The following ALPK3 variants were observed in gnomAD, a reference collection of about 807,000 sequenced individuals.
The protein encoded by ALPK3 is alpha kinase 3.
In ALPK3, 102 loss-of-function variants were observed where a neutral mutation model predicts 140.0. The observed-to-expected ratio is 0.73, with a 90% confidence interval of 0.62 to 0.86. ALPK3 has a LOEUF of 0.86. ALPK3 is among the 40% of genes least tolerant of loss of function. ALPK3 has a pLI of 0.00. For missense variants in ALPK3, 2,254 were observed against 2,208.2 expected, an observed-to-expected ratio of 1.02 and a Z score of -0.42; for synonymous variants, 938 against 898.5, an observed-to-expected ratio of 1.04 and a Z score of -0.79.
In ALPK3 at chr15:84,856,502, G is replaced by A; in HGVS notation, c.1764G>A (p.Met588Ile). ...GAAGTCAAGGTATCATTGAACCCAT[G>A]GATATGGAAACCCAGGAGGATGGGA... Reference protein sequence around the residue: ...TSGSQGIIEPMDMETQEDGRT... With the variant: ...TSGSQGIIEPIDMETQEDGRT... Residue 588 changes from methionine (M) to isoleucine (I), a missense_variant, in exon 6 of 14, where the codon ATG (methionine) becomes ATA (isoleucine). Met to Ile is a conservative substitution (Grantham distance 10). This residue lies in a region of ALPK3 where 2,088 missense variants were observed against 2,022.9 expected (regional missense o/e 1.03). Coordinates refer to ENST00000258888, the MANE Select transcript of ALPK3 (RefSeq NM_020778.5). The A allele has an allele frequency of 1.2e-6, 2 of 1,614,172 alleles. No individual in the cohort carries two copies. The highest frequency in any genetic ancestry group is 1.7e-6 in the Non-Finnish European group (2 of 1,180,044).
intron 5 of ALPK3, among the ~76,000 whole-genome samples, chr15:84,851,223 G>C (rs1963799842): frequency 6.6e-6 from 1 of 152,170 alleles, no homozygotes; most frequent in Non-Finnish European, 1.5e-5. Context: ...ATGAGAAGGA[G>C]TCCTTCAGGT....
Position 84,873,137 on chromosome 15 carries a change from C to T in ALPK3, c.*4681C>T, listed in dbSNP as rs1964094304. 6.6e-6 allele frequency: 1 copy of T among 152,170 alleles called. No individual in the cohort carries two copies. Among genetic ancestry groups the T allele is most frequent in the South Asian group, 2.1e-4 (1 of 4,826 alleles). The allele number at this position is 152,170 out of a possible 1,614,324, so 9.4% of individuals were successfully genotyped here. A position where few individuals can be genotyped will look rare whatever the true frequency, so the allele number is the denominator to read the frequency against. ...ACAGCAGCTCTTTCAAGCAGCCTCC[C>T]AGGCCTAGAGAGGAAAATCAGCAGA... On this transcript the variant is annotated 3_prime_UTR_variant, in exon 14 of 14. Coordinates refer to ENST00000258888, the MANE Select transcript of ALPK3 (RefSeq NM_020778.5).
intron 4 of ALPK3, among the ~76,000 whole-genome samples, chr15:84,839,484 A>C (rs1963631301): frequency 1.3e-5 from 2 of 152,322 alleles, no homozygotes; most frequent in Admixed American, 1.3e-4. Flanking sequence ...CTGGGACAGT[A>C]TGGCCTTGGT....
rs548996180 is a variant in ALPK3 at position 84,820,948 on chromosome 15, AC to A, written c.144-2380del. Among the ~76,000 whole-genome samples the A allele has an allele frequency of 1.7e-4, 25 of 150,322 alleles. No homozygotes were observed. In the South Asian group the frequency reaches 4.4e-3, roughly 27 times the overall value. ...CCTAACTTCACTCCTTTATGAGGAG[AC>A]CTTTCCTTTCTGGGCCCTGAATTCC... On this transcript the variant is annotated intron_variant, in intron 1 of 13. Transcript: ENST00000258888.
At position 84,864,177 on chromosome 15, in the gene ALPK3, C is replaced by T. The variant is rs1017506701; in HGVS notation, c.4500-265C>T. Among the ~76,000 whole-genome samples, 8 of 152,200 alleles carry T rather than the reference C, an allele frequency of 5.3e-5. No homozygotes were observed. The East Asian group carries it at 1.5e-3, about 29-fold the overall frequency. On this transcript the variant is annotated intron_variant, in intron 11 of 13. Transcript: ENST00000258888. ...TACATGCCTCAATCCCTCACCCAAGCCACACAGTCTGCCTATGCCCATAGC... is the reference window on the plus strand; with the variant it reads ...TACATGCCTCAATCCCTCACCCAAGTCACACAGTCTGCCTATGCCCATAGC...
At chr15:84,846,674 C>A (rs963259090) in intron 5 of ALPK3, among the ~76,000 whole-genome samples, 1 of 152,032 alleles carries the variant, frequency 6.6e-6, no homozygotes, top group African/African-American at 2.4e-5. Context: ...CAAAGGGAGA[C>A]CCTGTCTCAA....
chr15:84,831,501 A>T (rs1229778072), intron 3 of ALPK3, among the ~76,000 whole-genome samples: 1 of 152,094 alleles, frequency 6.6e-6, no homozygotes, highest in Non-Finnish European at 1.5e-5. Flanking sequence ...TTAATTTCCA[A>T]GGGTTTTAAT....
At chr15:84,820,890 T>C (rs1178808802) in intron 1 of ALPK3, among the ~76,000 whole-genome samples, 1 of 152,176 alleles carries the variant, frequency 6.6e-6, no homozygotes, top group Non-Finnish European at 1.5e-5. Context: ...CCACAAAGTG[T>C]TGGGATTATA....
At position 84,840,100 on chromosome 15, in the gene ALPK3, T is replaced by A. The variant is rs770625063; in HGVS notation, c.821T>A (p.Val274Glu). ...ATCAACAGTTTTGCTTCTGGAGAAG[T>A]GACCACCAACGGGGAGGCTGCCCCC... ...GLINSFASGE[V>E]TTNGEAAPEN... The change falls in exon 5 of 14, where the codon GTG becomes GAG. Residue 274 changes from valine to glutamate, a missense_variant. Physicochemically the swap from Val to Glu is moderately radical, Grantham distance 121. This residue lies in a region of ALPK3 where 2,088 missense variants were observed against 2,022.9 expected (regional missense o/e 1.03). Coordinates refer to ENST00000258888, the MANE Select transcript of ALPK3 (RefSeq NM_020778.5). 1.2e-6 allele frequency: 2 copies of A among 1,613,944 alleles called. No homozygotes were observed. The highest frequency in any genetic ancestry group is 1.7e-6 in the Non-Finnish European group (2 of 1,179,986).
chr15:84,839,020 G>C lies in ALPK3; in HGVS notation c.345G>C (p.Thr115=), dbSNP rs760982683. ...AGGTGACCTGGTACAAGGATGATAC[G>C]GAGCTGGACCGCTACTGTGGCTTGC... is the stretch of plus-strand genomic sequence containing the variant. ...EPEVTWYKDD[T]ELDRYCGLPK... The change falls in exon 4 of 14, where the codon ACG becomes ACC. Residue 115 remains threonine, a synonymous_variant. Coordinates refer to ENST00000258888, the MANE Select transcript of ALPK3 (RefSeq NM_020778.5). 6.2e-7 allele frequency: 1 copy of C among 1,614,076 alleles called. No homozygotes were observed. The highest frequency in any genetic ancestry group is 2.2e-5 in the East Asian group (1 of 44,870).
At position 84,869,586 on chromosome 15, in the gene ALPK3, C is replaced by T. The variant is rs1964045394; in HGVS notation, c.*1130C>T. On this transcript the variant is annotated 3_prime_UTR_variant, in exon 14 of 14. Transcript: ENST00000258888. Reference sequence around the variant, plus strand: ...ATTAGGACCCCTGCTCCAACCATCGCTCTTGATCCTGGGGCCCCAGCTCTG... The same window carrying T: ...ATTAGGACCCCTGCTCCAACCATCGTTCTTGATCCTGGGGCCCCAGCTCTG... The T allele has an allele frequency of 6.6e-6, 1 of 152,392 alleles. No individual in the cohort carries two copies. Among genetic ancestry groups the T allele is most frequent in the African/African-American group, 2.4e-5 (1 of 41,452 alleles). The allele number at this position is 152,392 out of a possible 1,614,324, so 9.4% of individuals were successfully genotyped here.
At chr15:84,859,959 C>T (rs1197497481) in intron 8 of ALPK3, 56 bp downstream of exon 8, 1 of 1,613,872 alleles carries the variant, frequency 6.2e-7, no homozygotes, top group African/African-American at 1.3e-5. Context: ...GGTGGGTGGG[C>T]AGCAGTCATC....
chr15:84,840,091 C>A lies in ALPK3; in HGVS notation c.812C>A (p.Ser271Tyr). ...TTGGGCCTGATCAACAGTTTTGCTT[C>A]TGGAGAAGTGACCACCAACGGGGAG... is the stretch of plus-strand genomic sequence containing the variant. Reference protein sequence around the residue: ...SGLGLINSFASGEVTTNGEAA... With the variant: ...SGLGLINSFAYGEVTTNGEAA... Residue 271 changes from serine (S) to tyrosine (Y), a missense_variant, in exon 5 of 14, where the codon TCT becomes TAT. Ser to Tyr is a moderately radical substitution (Grantham distance 144). Coordinates refer to ENST00000258888, the MANE Select transcript of ALPK3 (RefSeq NM_020778.5). The A allele has an allele frequency of 2.5e-6, 4 of 1,614,084 alleles. No homozygotes were observed. The highest frequency in any genetic ancestry group is 3.4e-6 in the Non-Finnish European group (4 of 1,180,006).
At chr15:84,833,382 G>T (rs1007239961) in intron 3 of ALPK3, among the ~76,000 whole-genome samples, 1 of 152,202 alleles carries the variant, frequency 6.6e-6, no homozygotes, top group Non-Finnish European at 1.5e-5. Context: ...AATTAGCAAG[G>T]AGAAAATGCA....
chr15:84,841,730 C>T (rs1197735971), intron 5 of ALPK3, among the ~76,000 whole-genome samples: 2 of 151,686 alleles, frequency 1.3e-5, no homozygotes, highest in African/African-American at 4.9e-5. Flanking sequence ...TGGGTGGCAG[C>T]GTTAAGGAGC....
intron 5 of ALPK3, among the ~76,000 whole-genome samples, chr15:84,850,914 A>ACC (rs1555435104): frequency 1.6e-4 from 24 of 149,348 alleles, no homozygotes; most frequent in African/African-American, 5.6e-4. Context: ...ACACACACAC[A>ACC]CCCTCTGTCA....
At position 84,856,815 on chromosome 15, in the gene ALPK3, C is replaced by G; in HGVS notation, c.2077C>G (p.Gln693Glu). 2 of 1,613,990 alleles carry G rather than the reference C, an allele frequency of 1.2e-6. No individual in the cohort carries two copies. The highest frequency in any genetic ancestry group is 8.5e-7 in the Non-Finnish European group (1 of 1,180,012). The change falls in exon 6 of 14, where the codon CAG (glutamine) becomes GAG (glutamate). Residue 693 changes from glutamine to glutamate, a missense_variant. By Grantham distance (29) the Gln-to-Glu change is conservative (BLOSUM62 2). Coordinates refer to ENST00000258888, the MANE Select transcript of ALPK3 (RefSeq NM_020778.5). ...GAAGGCCCAGGCAGATAAGGGCACA[C>G]AGGAAGACAGAAGGATGCAGGGAGA... ...DRKAQADKGT[Q>E]EDRRMQGEKG...
chr15:84,863,721 C>A, intron 11 of ALPK3, 81 bp downstream of exon 11: 1 of 1,367,142 alleles, frequency 7.3e-7, no homozygotes, highest in East Asian at 2.5e-5. Context: ...TCACAGCCTC[C>A]CAGGGGCATC....
chr15:84,863,959 C>T (rs895947849), intron 11 of ALPK3, among the ~76,000 whole-genome samples: 3 of 152,194 alleles, frequency 2.0e-5, no homozygotes, highest in African/African-American at 7.2e-5. Context: ...GTGGGTTAAG[C>T]TAGGCAGACT....
Sources: allele counts gnomAD v4.1 joint callset (sites outside exome capture counted in the v4.1 genomes callset), GRCh38; gene constraint gnomAD v4.1.1; regional missense constraint gnomAD v4.1.1; transcripts MANE v1.5; gene names NCBI Gene and HGNC (gene_info 2026-07-23, HGNC 2026-07-21).